FGF14: variants seen among roughly 807,000 people sequenced by gnomAD.
The protein encoded by FGF14 is fibroblast growth factor 14, also known as fibroblast growth factor homologous factor 4.
Under a neutral mutation model 25.5 loss-of-function variants are expected in FGF14, and 5 were observed. The ratio of observed to expected loss-of-function variants is 0.20; its 90% CI spans 0.10 to 0.41. The LOEUF (loss-of-function observed/expected upper bound fraction) is 0.41. FGF14 is among the 10% of genes least tolerant of loss of function. The probability of loss-of-function intolerance (pLI) is 1.00; values close to 1 mark genes in which losing one functional copy is unlikely to be tolerated. For synonymous variants in FGF14, 138 were observed against 118.3 expected, an observed-to-expected ratio of 1.17 and a Z score of -1.08; for missense variants, 222 against 320.1, an observed-to-expected ratio of 0.69 and a Z score of 2.34.
chr13:101,974,116 G>T (rs1246471102), intron 1 of FGF14, among the ~76,000 whole-genome samples: 1 of 152,198 alleles, frequency 6.6e-6, no homozygotes, highest in Non-Finnish European at 1.5e-5. Flanking sequence ...CTGCTACTCA[G>T]TCAAGAGAGA....
At chr13:102,337,801 G>T (rs1594888769) in intron 1 of FGF14, among the ~76,000 whole-genome samples, 1 of 152,100 alleles carries the variant, frequency 6.6e-6, no homozygotes, top group Non-Finnish European at 1.5e-5. Flanking sequence ...CCAGCAAAAA[G>T]ATTACGGCTC....
chr13:101,935,184 G>A (rs567874157), intron 1 of FGF14, among the ~76,000 whole-genome samples: 10 of 152,312 alleles, frequency 6.6e-5, no homozygotes, highest in East Asian at 1.9e-4. Context: ...TTCCTGAAAT[G>A]AGGCTTAGGC....
intron 3 of FGF14, among the ~76,000 whole-genome samples, chr13:101,858,435 C>T (rs951722330): frequency 8.6e-5 from 13 of 151,894 alleles, no homozygotes; most frequent in Non-Finnish European, 1.5e-4. Flanking sequence ...TTGGCATTTA[C>T]GTAATTTGTT....
chr13:101,995,706 C>T (rs1248797016), intron 1 of FGF14, among the ~76,000 whole-genome samples: 1 of 152,154 alleles, frequency 6.6e-6, no homozygotes, highest in Non-Finnish European at 1.5e-5. Flanking sequence ...AGAAGAGCAA[C>T]TCTCTTCAGT....
intron 1 of FGF14, among the ~76,000 whole-genome samples, chr13:102,291,758 C>T (rs1384646604): frequency 6.6e-6 from 1 of 152,002 alleles, no homozygotes; most frequent in African/African-American, 2.4e-5. Context: ...GCTACGTACA[C>T]CTGAAAGGAT....
At chr13:102,355,657 G>A (rs2057400428) in intron 1 of FGF14, among the ~76,000 whole-genome samples, 1 of 151,042 alleles carries the variant, frequency 6.6e-6, no homozygotes. Flanking sequence ...AGAAGGAACA[G>A]AATTTTGAGT....
At chr13:101,803,069 G>T (rs1315756998) in intron 3 of FGF14, among the ~76,000 whole-genome samples, 2 of 152,020 alleles carry the variant, frequency 1.3e-5, no homozygotes, top group African/African-American at 4.8e-5. Flanking sequence ...TGGACAAAGG[G>T]GGTCAGCTGG....
intron 1 of FGF14, among the ~76,000 whole-genome samples, chr13:102,316,159 A>G (rs1407342561): frequency 6.6e-6 from 1 of 152,234 alleles, no homozygotes; most frequent in Non-Finnish European, 1.5e-5. Context: ...TAACAGAAGG[A>G]TAAGCTTTGT....
At chr13:102,266,303 T>C (rs1040747372) in intron 1 of FGF14, among the ~76,000 whole-genome samples, 1 of 152,124 alleles carries the variant, frequency 6.6e-6, no homozygotes. Flanking sequence ...CTGCCAAAGA[T>C]GGAGTTAGAT....
intron 1 of FGF14, among the ~76,000 whole-genome samples, chr13:102,006,838 G>A (rs1379278877): frequency 3.6e-5 from 5 of 138,200 alleles, no homozygotes; most frequent in East Asian, 2.4e-4. Flanking sequence ...TCCGCTTCCC[G>A]GGTTCACGCC....
At chr13:101,830,202 T>C (rs1369920105) in intron 3 of FGF14, among the ~76,000 whole-genome samples, 5 of 152,110 alleles carry the variant, frequency 3.3e-5, no homozygotes, top group African/African-American at 7.2e-5. Context: ...AGAAGTCTAG[T>C]AGCAACCATT....
chr13:102,199,813 A>G (rs1284672625), intron 1 of FGF14, among the ~76,000 whole-genome samples: 1 of 152,202 alleles, frequency 6.6e-6, no homozygotes, highest in Non-Finnish European at 1.5e-5. Flanking sequence ...AGTGTGCCAC[A>G]TGCCAGACTT....
At chr13:102,040,342 A>G (rs1555344888) in intron 1 of FGF14, among the ~76,000 whole-genome samples, 1 of 152,058 alleles carries the variant, frequency 6.6e-6, no homozygotes, top group African/African-American at 2.4e-5. Context: ...TTTCTCTTAC[A>G]TCTCCAGGTA....
At chr13:101,864,079 G>A (rs541478058) in intron 3 of FGF14, among the ~76,000 whole-genome samples, 14 of 152,158 alleles carry the variant, frequency 9.2e-5, no homozygotes, top group African/African-American at 3.1e-4. Flanking sequence ...AATGCTTACT[G>A]AGGAATACAT....
chr13:101,860,550 G>A lies in FGF14; in HGVS notation c.408+8175C>T, dbSNP rs1179439032. On this transcript the variant is annotated intron_variant, in intron 3 of 4. Transcript: ENST00000376143. ...GACCTTGGTCACCAGCACTAGACATGCCTGGGATATATATTCAAAATTATG... is the reference window on the plus strand; with the variant it reads ...GACCTTGGTCACCAGCACTAGACATACCTGGGATATATATTCAAAATTATG... Among the ~76,000 whole-genome samples, 4 of 152,002 alleles carry A rather than the reference G, an allele frequency of 2.6e-5. 1 individual carries two copies. Among genetic ancestry groups the A allele is most frequent in the Non-Finnish European group, 5.9e-5 (4 of 67,964 alleles).
intron 1 of FGF14, among the ~76,000 whole-genome samples, chr13:101,972,368 T>C (rs941881668): frequency 7.2e-5 from 11 of 152,188 alleles, no homozygotes; most frequent in Non-Finnish European, 2.9e-5. Context: ...TACAAAGGTC[T>C]CATTTTTGTA....
intron 1 of FGF14, among the ~76,000 whole-genome samples, chr13:101,944,975 T>C (rs1157876617): frequency 1.3e-5 from 2 of 152,172 alleles, no homozygotes; most frequent in African/African-American, 4.8e-5. Flanking sequence ...GCTGTGATGG[T>C]TGCAAGACAA....
intron 1 of FGF14, among the ~76,000 whole-genome samples, chr13:102,050,839 C>T (rs1360568365): frequency 1.3e-5 from 2 of 152,070 alleles, no homozygotes; most frequent in African/African-American, 4.8e-5. Flanking sequence ...ACCTGAGACA[C>T]CAGGAGACTG....
intron 1 of FGF14, among the ~76,000 whole-genome samples, chr13:102,103,852 G>C (rs1244336837): frequency 6.6e-6 from 1 of 152,134 alleles, no homozygotes; most frequent in African/African-American, 2.4e-5. Flanking sequence ...ATAAGCGCCA[G>C]AGGGTCCTTC....
Sources: gnomAD v4.1 joint callset for allele counts (sites outside exome capture counted in the v4.1 genomes callset) on GRCh38, gnomAD v4.1.1 for gene constraint, MANE v1.5 for transcripts, NCBI Gene and HGNC (gene_info 2026-07-23, HGNC 2026-07-21) for gene names.